GPHN: variants seen among roughly 807,000 people sequenced by gnomAD.
GPHN encodes gephyrin.
GPHN carries 17 observed loss-of-function variants against 95.5 expected under a neutral mutation model. The observed-to-expected ratio is 0.18, with a 90% CI of 0.12 to 0.27. The LOEUF (loss-of-function observed/expected upper bound fraction) is 0.27. GPHN is among the 10% of genes least tolerant of loss of function. The pLI is 1.00. For missense variants in GPHN, 660 were observed against 978.1 expected (o/e 0.67, Z 4.34); for synonymous variants, 320 against 322.5 (o/e 0.99, Z 0.08).
chr14:67,557,334 G>A, the GPHN span: 1 of 1,613,644 alleles, frequency 6.2e-7, no homozygotes. Flanking sequence ...AGGGGAGCCT[G>A]CACCGGAAAT....
chr14:67,718,897 G>A, the GPHN span, among the ~76,000 whole-genome samples: 1 of 152,194 alleles, frequency 6.6e-6, no homozygotes, highest in East Asian at 1.9e-4. Context: ...ATTTAACAAA[G>A]ATAAACATGT....
chr14:66,782,595 G>A (rs1385930749), intron 3 of GPHN, among the ~76,000 whole-genome samples: 3 of 152,116 alleles, frequency 2.0e-5, no homozygotes, highest in Non-Finnish European at 2.9e-5. Flanking sequence ...CAAGGCGGGC[G>A]GATCACGAGG....
intron 9 of GPHN, among the ~76,000 whole-genome samples, chr14:66,972,564 A>ACGCC (rs1341814252): frequency 6.6e-5 from 10 of 151,874 alleles, no homozygotes; most frequent in East Asian, 3.9e-4. Context: ...TTTTGTTCAT[A>ACGCC]CGCCCCATTT....
At chr14:67,141,264 G>A (rs971965747) in intron 17 of GPHN, among the ~76,000 whole-genome samples, 1 of 152,174 alleles carries the variant, frequency 6.6e-6, no homozygotes, top group Admixed American at 6.5e-5. Flanking sequence ...AAGCTATTCA[G>A]GTTGGAACCA....
intron 12 of GPHN, among the ~76,000 whole-genome samples, chr14:67,096,108 T>A (rs925893341): frequency 1.3e-5 from 2 of 151,826 alleles, no homozygotes; most frequent in Admixed American, 1.3e-4. Flanking sequence ...GAAAAATGAC[T>A]CCTCTCTTGG....
At chr14:67,320,867 A>G in the GPHN span, among the ~76,000 whole-genome samples, 1 of 152,164 alleles carries the variant, frequency 6.6e-6, no homozygotes, top group Non-Finnish European at 1.5e-5. Flanking sequence ...GATACTACAA[A>G]CTCATTTTTG....
chr14:67,098,331 G>T (rs1040745805), intron 12 of GPHN, among the ~76,000 whole-genome samples: 9 of 152,146 alleles, frequency 5.9e-5, no homozygotes, highest in Non-Finnish European at 1.5e-5. Flanking sequence ...GGAATAAAGA[G>T]CTTCAAAGGT....
the GPHN span, among the ~76,000 whole-genome samples, chr14:67,582,492 C>G: frequency 6.6e-6 from 1 of 152,098 alleles, no homozygotes; most frequent in African/African-American, 2.4e-5. The surrounding 1 kb of genome is among the most constrained non-coding windows in gnomAD (Gnocchi z 5.0). Context: ...CTTCACTTCT[C>G]TATGCTTTAG....
intron 20 of GPHN, 107 bp from the exon 21 acceptor site, chr14:67,168,826 G>A (rs2082431634): frequency 2.5e-6 from 2 of 786,748 alleles, no homozygotes; most frequent in Non-Finnish European, 4.5e-6. Flanking sequence ...GAAAAATAGT[G>A]CCTAGTCACT....
chr14:67,731,413 C>T, the GPHN span, among the ~76,000 whole-genome samples: 1 of 151,596 alleles, frequency 6.6e-6, no homozygotes, highest in East Asian at 1.9e-4. Flanking sequence ...TGGAGTTTTG[C>T]CATGTTGACC....
At chr14:66,718,719 G>A (rs1278689806) in intron 2 of GPHN, among the ~76,000 whole-genome samples, 1 of 152,132 alleles carries the variant, frequency 6.6e-6, no homozygotes, top group African/African-American at 2.4e-5. Flanking sequence ...TAGACACAGA[G>A]TGCTGATTGG....
intron 1 of GPHN, among the ~76,000 whole-genome samples, chr14:66,562,022 A>G (rs181865210): frequency 4.6e-5 from 7 of 152,242 alleles, no homozygotes; most frequent in African/African-American, 1.4e-4. Flanking sequence ...TTTCTTTGAA[A>G]ACAATTGGGA....
intron 2 of GPHN, among the ~76,000 whole-genome samples, chr14:66,728,954 T>C (rs1408778463): frequency 1.3e-5 from 2 of 152,158 alleles, no homozygotes; most frequent in Non-Finnish European, 2.9e-5. Flanking sequence ...AATTCCCACA[T>C]ATTGTGGGAG....
chr14:67,183,218 T>C (rs1428851094), downstream of GPHN, among the ~76,000 whole-genome samples: 2 of 152,202 alleles, frequency 1.3e-5, no homozygotes, highest in Non-Finnish European at 2.9e-5. Flanking sequence ...GCTTGTCATG[T>C]ATTAAGCTCC....
At chr14:66,509,153 AC>A (rs1258229425) in intron 1 of GPHN, 3 of 157,874 alleles carry the variant, frequency 1.9e-5, no homozygotes, top group Non-Finnish European at 4.2e-5. Flanking sequence ...CCCCTCAGCC[AC>A]CCATGGGGCA....
At chr14:66,686,282 A>G (rs1464597284) in intron 2 of GPHN, among the ~76,000 whole-genome samples, 2 of 152,208 alleles carry the variant, frequency 1.3e-5, no homozygotes, top group Non-Finnish European at 2.9e-5. Flanking sequence ...AATTCTGTGA[A>G]GAAAGTCATG....
intron 11 of GPHN, among the ~76,000 whole-genome samples, chr14:67,065,064 G>T (rs1286306982): frequency 6.6e-6 from 1 of 152,104 alleles, no homozygotes; most frequent in African/African-American, 2.4e-5. Flanking sequence ...TCTCTTGTGG[G>T]CATTTAGTGC....
In GPHN at chr14:66,810,055, G is replaced by A. The variant is rs148224080; in HGVS notation, c.202-14419G>A. Among the ~76,000 whole-genome samples the A allele has an allele frequency of 4.8e-3, 724 of 152,030 alleles. 6 individuals carry two copies. Among genetic ancestry groups the A allele is most frequent in the African/African-American group, 0.015 (633 of 41,522 alleles). ...TATTTTTTGCTGCCTATAGATCAGTGTTATATTGTTCCTCTTACTAATTAT... is the reference window on the plus strand; with the variant it reads ...TATTTTTTGCTGCCTATAGATCAGTATTATATTGTTCCTCTTACTAATTAT... On this transcript the variant is annotated intron_variant, in intron 3 of 22. Coordinates refer to ENST00000478722, the MANE Select transcript of GPHN (RefSeq NM_020806.5).
At chr14:67,356,406 G>A in the GPHN span, among the ~76,000 whole-genome samples, 2 of 149,430 alleles carry the variant, frequency 1.3e-5, no homozygotes, top group African/African-American at 2.5e-5. Context: ...GGGCAACAGA[G>A]GGAAAACCTG....
Sources: gnomAD v4.1 joint callset for allele counts (sites outside exome capture counted in the v4.1 genomes callset) on GRCh38, gnomAD v4.1.1 for gene constraint, Gnocchi (gnomAD v3.1) non-coding constraint, MANE v1.5 for transcripts, NCBI Gene and HGNC (gene_info 2026-07-23, HGNC 2026-07-21) for gene names.